Variants in CNIH3 observed in about 807,000 individuals in gnomAD.
The protein encoded by CNIH3 is protein cornichon homolog 3.
In CNIH3, 14 loss-of-function variants were observed where a neutral mutation model predicts 24.1. The ratio of observed to expected loss-of-function variants is 0.58; its 90% CI spans 0.38 to 0.91. The LOEUF is 0.91. CNIH3 is among the 40% of genes least tolerant of loss of function. CNIH3 has a pLI of 0.00. For missense variants in CNIH3, 178 were observed against 196.8 expected (o/e 0.90, Z 0.57); for synonymous variants, 68 against 73.8 (o/e 0.92, Z 0.40).
chr1:224,477,301 G>A (rs1676627472), intron 1 of CNIH3, among the ~76,000 whole-genome samples: 1 of 152,210 alleles, frequency 6.6e-6, no homozygotes, highest in African/African-American at 2.4e-5. Context: ...GTCCATCTGA[G>A]TGGGACGCGC....
intron 5 of CNIH3, among the ~76,000 whole-genome samples, chr1:224,584,713 C>T (rs913965391): frequency 7.0e-6 from 1 of 143,162 alleles, no homozygotes; most frequent in Non-Finnish European, 1.5e-5. Context: ...AAAAATGAAG[C>T]ATTTCTTGGT....
chr1:224,434,980 C>T (rs1413997259), intron 1 of CNIH3: 17 of 985,496 alleles, frequency 1.7e-5, no homozygotes, highest in Non-Finnish European at 1.9e-5. Context: ...ACGACCCCGA[C>T]TCCTATCCGA....
chr1:224,541,858 A>T (rs371539038), downstream of CNIH3, among the ~76,000 whole-genome samples: 68 of 152,316 alleles, frequency 4.5e-4, no homozygotes, highest in East Asian at 0.012. Flanking sequence ...TCTTATTTTT[A>T]AAAAATCTTA....
Position 224,458,438 on chromosome 1 carries a change from G to A in CNIH3, n.203+23576G>A, listed in dbSNP as rs991035250. On this transcript the variant is annotated intron_variant and non_coding_transcript_variant, in intron 1 of 5. Coordinates refer to the CNIH3 transcript ENST00000471578. This position sits in a 1 kb window ranked among gnomAD's most constrained non-coding sequence, Gnocchi z 4.3. The stretch of plus-strand genomic sequence containing the variant: ...GCCAGGAGCCGATCGCACAAGGCTT[G>A]GCAAGGCAGATGCTCCCCAGCTCCT... Among the ~76,000 whole-genome samples, 1 of 152,192 alleles carries A rather than the reference G, an allele frequency of 6.6e-6. No individual in the cohort carries two copies. Among genetic ancestry groups the A allele is most frequent in the African/African-American group, 2.4e-5 (1 of 41,430 alleles).
intron 2 of CNIH3, among the ~76,000 whole-genome samples, chr1:224,533,272 C>T (rs1298456294): frequency 2.6e-5 from 4 of 151,130 alleles, no homozygotes; most frequent in Non-Finnish European, 5.9e-5. Flanking sequence ...ATAAAATTGG[C>T]TGAGAGTAGT....
At chr1:224,528,080 G>A (rs2124926221) in intron 2 of CNIH3, among the ~76,000 whole-genome samples, 2 of 152,032 alleles carry the variant, frequency 1.3e-5, no homozygotes, top group Middle Eastern at 6.8e-3. Context: ...TGGGCAACAT[G>A]GCAGGACCCC....
intron 1 of CNIH3, among the ~76,000 whole-genome samples, chr1:224,622,890 C>T (rs776123828): frequency 2.6e-5 from 4 of 152,230 alleles, no homozygotes; most frequent in African/African-American, 4.8e-5. Flanking sequence ...GGACCTCTCT[C>T]CCAGTAAGTC....
At chr1:224,459,856 G>T (rs1041288086) in intron 1 of CNIH3, among the ~76,000 whole-genome samples, 1 of 150,946 alleles carries the variant, frequency 6.6e-6, no homozygotes, top group African/African-American at 2.4e-5. Context: ...GGGCGGGGAG[G>T]GGTTGTTAGA....
At chr1:224,568,745 C>A (rs888736319) in intron 4 of CNIH3, among the ~76,000 whole-genome samples, 7 of 152,112 alleles carry the variant, frequency 4.6e-5, no homozygotes, top group African/African-American at 1.7e-4. Flanking sequence ...CAGAGCAAGA[C>A]CCTGTCTCTA....
chr1:224,628,823 T>C (rs1047129629), intron 1 of CNIH3, among the ~76,000 whole-genome samples: 6 of 152,002 alleles, frequency 3.9e-5, no homozygotes, highest in Non-Finnish European at 7.4e-5. Context: ...CCAACTAGCA[T>C]TTAACATCAA....
chr1:224,572,575 G>A (rs540020338), intron 4 of CNIH3, among the ~76,000 whole-genome samples: 1 of 147,216 alleles, frequency 6.8e-6, no homozygotes, highest in Admixed American at 6.8e-5. Context: ...CTTTACTACA[G>A]CAATCCTGTT....
chr1:224,738,814 A>G (rs1048914166), intron 5 of CNIH3, among the ~76,000 whole-genome samples: 1 of 152,104 alleles, frequency 6.6e-6, no homozygotes, highest in African/African-American at 2.4e-5. Context: ...GAGTTACCCA[A>G]TCAAGAATTC....
At chr1:224,457,624 C>T (rs1675734380) in intron 1 of CNIH3, among the ~76,000 whole-genome samples, 1 of 150,764 alleles carries the variant, frequency 6.6e-6, no homozygotes, top group Non-Finnish European at 1.5e-5. Flanking sequence ...GGAGGAATCT[C>T]GCGGTCTCAT....
At chr1:224,456,785 C>T (rs1675681437) in intron 1 of CNIH3, among the ~76,000 whole-genome samples, 1 of 152,260 alleles carries the variant, frequency 6.6e-6, no homozygotes, top group South Asian at 2.1e-4. Context: ...TCTGCAGCCA[C>T]TTGTGCCATT....
chr1:224,664,970 A>G (rs985509755), intron 1 of CNIH3: 1 of 151,948 alleles, frequency 6.6e-6, no homozygotes, highest in African/African-American at 2.4e-5. Context: ...TGGTCTTGGT[A>G]TCTCTCTCTC....
downstream of CNIH3, chr1:224,537,667 C>G (rs1679341086): frequency 6.6e-6 from 1 of 152,208 alleles, no homozygotes; most frequent in African/African-American, 2.4e-5. Context: ...GCAAAATAAA[C>G]TTTCTAAATT....
chr1:224,650,363 T>A (rs1413174740), intron 1 of CNIH3, among the ~76,000 whole-genome samples: 1 of 152,184 alleles, frequency 6.6e-6, no homozygotes, highest in Non-Finnish European at 1.5e-5. Flanking sequence ...GCTGAGTACA[T>A]ACTTCCTGGA....
At chr1:224,435,423 G>T (rs1674608556) in intron 1 of CNIH3, among the ~76,000 whole-genome samples, 1 of 152,204 alleles carries the variant, frequency 6.6e-6, no homozygotes, top group Non-Finnish European at 1.5e-5. Context: ...CTGGGAAGGG[G>T]AGTTAGTCTA....
intron 3 of CNIH3, among the ~76,000 whole-genome samples, chr1:224,707,978 G>T (rs139494113): frequency 3.9e-5 from 6 of 152,168 alleles, no homozygotes; most frequent in Non-Finnish European, 8.8e-5. Context: ...CCATCTCACT[G>T]TTGCAGGGTC....
Sources: allele counts gnomAD v4.1 joint callset (sites outside exome capture counted in the v4.1 genomes callset), GRCh38; gene constraint gnomAD v4.1.1; non-coding constraint Gnocchi (gnomAD v3.1); transcripts MANE v1.5; gene names NCBI Gene and HGNC (gene_info 2026-07-23, HGNC 2026-07-21).